The following IL6ST variants were observed in gnomAD, a reference collection of about 807,000 sequenced individuals.
The protein encoded by IL6ST is interleukin 6 cytokine family signal transducer, also known as interleukin-6 receptor subunit beta.
IL6ST carries 24 observed loss-of-function variants against 91.3 expected under a neutral mutation model. That is an observed-to-expected ratio of 0.26 (90% CI 0.19 to 0.37). The LOEUF (loss-of-function observed/expected upper bound fraction) is 0.37. Ranked by LOEUF, IL6ST falls within the 10% of genes least tolerant of loss-of-function variation. The pLI is 1.00. For synonymous variants in IL6ST, 351 were observed against 373.6 expected, an observed-to-expected ratio of 0.94 and a Z score of 0.70; for missense variants, 914 against 1,078.5, an observed-to-expected ratio of 0.85 and a Z score of 2.14.
rs556133195 is a variant in IL6ST, at chr5:55,944,535, A to C, written c.1938-1784T>G. 23 of 443,392 alleles carry C rather than the reference A, an allele frequency of 5.2e-5. No individual in the cohort carries two copies. In the Admixed American group the frequency reaches 7.4e-4, roughly 14 times the overall value. 27.5% of individuals were successfully genotyped at this position (443,392 alleles called of 1,614,324 possible). On this transcript the variant is annotated intron_variant, in intron 15 of 16. Coordinates refer to ENST00000381298, the MANE Select transcript of IL6ST (RefSeq NM_002184.4). The stretch of plus-strand genomic sequence containing the variant: ...AAAACTACAAAACACTGCAAAAGTA[A>C]ATTAAACAAAACCCAAATAAATAAA...
intron 2 of IL6ST, among the ~76,000 whole-genome samples, chr5:55,981,591 C>G (rs1031155048): frequency 2.0e-5 from 3 of 151,774 alleles, no homozygotes; most frequent in Non-Finnish European, 4.4e-5. Context: ...TGCAGCGAGC[C>G]AAGATCGTGC....
At chr5:55,988,380 T>C (rs1418091319) in intron 1 of IL6ST, among the ~76,000 whole-genome samples, 3 of 152,168 alleles carry the variant, frequency 2.0e-5, no homozygotes, top group South Asian at 2.1e-4. Flanking sequence ...ATTAGGACTA[T>C]TGAGAATTTA....
At chr5:55,955,860 G>T in intron 10 of IL6ST, 165 bp downstream of exon 10, 1 of 426,946 alleles carries the variant, frequency 2.3e-6, no homozygotes, top group Non-Finnish European at 4.1e-6. Flanking sequence ...CTGAAAAAAA[G>T]AAAATCATTA....
intron 2 of IL6ST, among the ~76,000 whole-genome samples, chr5:55,980,772 G>A (rs901928922): frequency 2.0e-5 from 3 of 152,064 alleles, no homozygotes; most frequent in African/African-American, 7.2e-5. Context: ...AACTCTTCTT[G>A]ATGAGAAATG....
At chr5:55,994,202 G>A (rs148776361) in intron 1 of IL6ST, 1 of 151,996 alleles carries the variant, frequency 6.6e-6, no homozygotes, top group African/African-American at 2.4e-5. Context: ...GTCGGAGGAG[G>A]TAAAATTTTA....
intron 12 of IL6ST, 47 bp downstream of exon 12, chr5:55,952,203 T>C: frequency 6.6e-7 from 1 of 1,515,858 alleles, no homozygotes; most frequent in Non-Finnish European, 9.1e-7. Context: ...TTTCTGTTAA[T>C]ACAAAGCCCT....
chr5:55,959,728 A>AT, intron 8 of IL6ST: 1 of 854,312 alleles, frequency 1.2e-6, no homozygotes, highest in Non-Finnish European at 1.7e-6. Context: ...GATAGTGGGG[A>AT]TCTAAGGTGT....
chr5:55,963,374 T>C lies in IL6ST; in HGVS notation c.791A>G (p.Lys264Arg). Reference protein sequence around the residue: ...ILKYNIQYRTKDASTWSQIPP... With the variant: ...ILKYNIQYRTRDASTWSQIPP... ...TACCTGGCTCCAAGTTGAGGCATCT[T>C]TGGTCCTATATTGAATGTTATATTT... Residue 264 changes from lysine (K) to arginine (R), a missense_variant, in exon 7 of 17, where the codon AAA (lysine) becomes AGA (arginine). Coordinates refer to ENST00000381298, the MANE Select transcript of IL6ST (RefSeq NM_002184.4). The C allele has an allele frequency of 1.9e-6, 3 of 1,586,852 alleles. No homozygotes were observed. The highest frequency in any genetic ancestry group is 2.6e-6 in the Non-Finnish European group (3 of 1,168,758).
At position 55,939,584 on chromosome 5, in the gene IL6ST, G is replaced by A; in HGVS notation, c.*1498C>T. On this transcript the variant is annotated 3_prime_UTR_variant, in exon 17 of 17. Coordinates refer to ENST00000381298, the MANE Select transcript of IL6ST (RefSeq NM_002184.4). ...GCCTGGTTTCTGTAACTTAAATATG[G>A]CATAAAAACCTGTTTCCTTTGAATT... is the stretch of plus-strand genomic sequence containing the variant. 1 of 202,986 alleles carries A rather than the reference G, an allele frequency of 4.9e-6. No individual in the cohort carries two copies. Among genetic ancestry groups the A allele is most frequent in the African/African-American group, 2.3e-5 (1 of 43,766 alleles). 12.6% of individuals were successfully genotyped at this position (202,986 alleles called of 1,614,324 possible).
At chr5:55,970,570 C>T (rs1752903730) in intron 3 of IL6ST, among the ~76,000 whole-genome samples, 1 of 152,050 alleles carries the variant, frequency 6.6e-6, no homozygotes, top group Non-Finnish European at 1.5e-5. Flanking sequence ...CGCCTATAGT[C>T]CCAGCTATTC....
chr5:55,978,002 A>G (rs1295424311), intron 2 of IL6ST, among the ~76,000 whole-genome samples: 1 of 152,182 alleles, frequency 6.6e-6, no homozygotes, highest in Non-Finnish European at 1.5e-5. Context: ...CTATTTAAAA[A>G]AAAAAAAAGA....
chr5:55,959,062 T>C (rs1294893784), intron 8 of IL6ST, among the ~76,000 whole-genome samples: 1 of 152,088 alleles, frequency 6.6e-6, no homozygotes, highest in African/African-American at 2.4e-5. Context: ...AAATATTTCC[T>C]AACATAAAGG....
intron 2 of IL6ST, among the ~76,000 whole-genome samples, chr5:55,977,967 C>A (rs959958310): frequency 2.6e-5 from 4 of 151,908 alleles, no homozygotes; most frequent in Admixed American, 2.6e-4. Flanking sequence ...CCACTGCACT[C>A]CAGCCTGGGC....
intron 3 of IL6ST, among the ~76,000 whole-genome samples, chr5:55,970,404 C>A (rs1752893775): frequency 6.6e-6 from 1 of 152,090 alleles, no homozygotes; most frequent in Non-Finnish European, 1.5e-5. Context: ...AAATGCATGG[C>A]CCTGGGTATG....
Position 55,977,821 on chromosome 5 carries a change from GACACACACAGACACAC to G in IL6ST, c.-15-1544_-15-1529del, listed in dbSNP as rs1303069539. On this transcript the variant is annotated intron_variant, in intron 2 of 16. Transcript: ENST00000381298. ...AGCATGGGCAACAGAGCGAGACCCC[GACACACACAGACACAC>G]ACACACACACACACGCCAGGTGTGG... is the stretch of plus-strand genomic sequence containing the variant. Among the ~76,000 whole-genome samples the G allele has an allele frequency of 4.0e-5, 6 of 151,266 alleles. No homozygotes were observed. In the East Asian group the frequency reaches 1.2e-3, roughly 30 times the overall value.
chr5:55,942,900 T>A (rs888430067), intron 15 of IL6ST, 149 bp from the exon 16 acceptor site: 17 of 502,102 alleles, frequency 3.4e-5, no homozygotes, highest in Non-Finnish European at 1.4e-5. Flanking sequence ...CAAACAAAAA[T>A]TATTTTTCTT....
chr5:55,976,227 T>G lies in IL6ST; in HGVS notation c.52A>C (p.Thr18Pro). The G allele has an allele frequency of 6.3e-7, 1 of 1,579,232 alleles. No homozygotes were observed. The highest frequency in any genetic ancestry group is 1.2e-5 in the South Asian group (1 of 85,656). Residue 18 changes from threonine (T) to proline (P), a missense_variant, in exon 3 of 17, where the codon ACT becomes CCT. Transcript: ENST00000381298. The stretch of plus-strand genomic sequence containing the variant: ...TCATGAACCTTACCTGTAGATTCAG[T>G]GGTGAGGAAAATAAACAAGGCTTGC... ...LVQALFIFLTTESTGELLDPC... is the reference protein window; with the variant it reads ...LVQALFIFLTPESTGELLDPC...
intron 4 of IL6ST, among the ~76,000 whole-genome samples, chr5:55,969,334 CAT>C (rs146999166): frequency 0.025 from 3,770 of 152,192 alleles, 177 homozygotes; most frequent in African/African-American, 0.086. Context: ...GGGGGGGTCT[CAT>C]GTCAAATATT....
At chr5:55,994,515 C>T (rs1308358420) in intron 1 of IL6ST, among the ~76,000 whole-genome samples, 1 of 151,992 alleles carries the variant, frequency 6.6e-6, no homozygotes, top group Non-Finnish European at 1.5e-5. Flanking sequence ...GGGCGTTCTG[C>T]GGGGCGGGCG....
Sources: allele counts gnomAD v4.1 joint callset (sites outside exome capture counted in the v4.1 genomes callset), GRCh38; gene constraint gnomAD v4.1.1; transcripts MANE v1.5; gene names NCBI Gene and HGNC (gene_info 2026-07-23, HGNC 2026-07-21).